The following ACO2 variants were observed in gnomAD, a reference collection of about 807,000 sequenced individuals.
The protein encoded by ACO2 is aconitate hydratase, mitochondrial.
Under a neutral mutation model 84.5 loss-of-function variants are expected in ACO2, and 31 were observed. The ratio of observed to expected loss-of-function variants is 0.37; its 90% CI spans 0.28 to 0.50. The LOEUF is 0.50. ACO2 is among the 20% of genes least tolerant of loss of function. ACO2 has a pLI of 0.97. For missense variants in ACO2, 685 were observed against 1,029.3 expected, an observed-to-expected ratio of 0.67 and a Z score of 4.58; for synonymous variants, 414 against 412.7, an observed-to-expected ratio of 1.00 and a Z score of -0.04.
intron 1 of ACO2, among the ~76,000 whole-genome samples, chr22:41,490,583 T>C (rs1428481231): frequency 2.0e-5 from 3 of 152,242 alleles, no homozygotes; most frequent in Non-Finnish European, 1.5e-5. Context: ...TGCTCTTTTA[T>C]ATATTTTAAT....
chr22:41,528,787 A>C lies in ACO2; in HGVS notation c.*174A>C. The C allele has an allele frequency of 1.1e-6, 1 of 904,394 alleles. No individual in the cohort carries two copies. Among genetic ancestry groups the C allele is most frequent in the South Asian group, 1.8e-5 (1 of 54,452 alleles). 56.0% of individuals were successfully genotyped at this position (904,394 alleles called of 1,614,324 possible). A position where few individuals can be genotyped will look rare whatever the true frequency, so the allele number is the denominator to read the frequency against. On this transcript the variant is annotated 3_prime_UTR_variant, in exon 18 of 18. Transcript: ENST00000216254. The stretch of plus-strand genomic sequence containing the variant: ...TGGTTGTGGTGGGGGGGTTCTTAAA[A>C]TAACTTTTTAGCCCCCGTCTTCCTA...
At chr22:41,499,924 G>C in intron 2 of ACO2, 62 bp downstream of exon 2, 1 of 1,591,266 alleles carries the variant, frequency 6.3e-7, no homozygotes, top group Non-Finnish European at 8.6e-7. Context: ...CTGCCCGTCA[G>C]GCAGAGAAGG....
chr22:41,476,926 A>T (rs925388070), intron 1 of ACO2, among the ~76,000 whole-genome samples: 9 of 151,376 alleles, frequency 5.9e-5, no homozygotes, highest in African/African-American at 2.2e-4. Flanking sequence ...AGGTGGGTGG[A>T]TCACTTGGGG....
At chr22:41,522,792 C>T (rs1413543943) in intron 9 of ACO2, 38 bp from the exon 10 acceptor site, 4 of 1,609,310 alleles carry the variant, frequency 2.5e-6, no homozygotes, top group Admixed American at 1.7e-5. Flanking sequence ...CTCACTGTCT[C>T]CTCCTGACCC....
At chr22:41,518,450 G>C in intron 7 of ACO2, 31 bp from the exon 8 acceptor site, 1 of 1,549,014 alleles carries the variant, frequency 6.5e-7, no homozygotes, top group Non-Finnish European at 8.9e-7. Context: ...TATGTTTCAC[G>C]TGCTCCATCC....
In ACO2 at chr22:41,477,128, TATTA is replaced by T. The variant is rs1421418853; in HGVS notation, c.36+7947_36+7950del. ...TTAAAGGTAGGGAGAATGGTTTCCA[TATTA>T]TTTATTTATTTATTTATTTATTTAT... is the stretch of plus-strand genomic sequence containing the variant. On this transcript the variant is annotated intron_variant, in intron 1 of 17. Transcript: ENST00000216254. 9.7e-5 allele frequency among the ~76,000 whole-genome samples: 14 copies of T among 144,370 alleles called. No individual in the cohort carries two copies. The East Asian group carries it at 2.8e-3, about 28-fold the overall frequency. 94.7% of individuals were successfully genotyped at this position (144,370 alleles called of 152,430 possible). A position where few individuals can be genotyped will look rare whatever the true frequency, so the allele number is the denominator to read the frequency against.
intron 3 of ACO2, among the ~76,000 whole-genome samples, chr22:41,510,374 G>A (rs1396369874): frequency 1.3e-5 from 2 of 152,174 alleles, no homozygotes; most frequent in Non-Finnish European, 2.9e-5. Flanking sequence ...ATAAGTGACC[G>A]ATTTGTAAAT....
chr22:41,521,897 G>A lies in ACO2; in HGVS notation c.1139-933G>A, dbSNP rs557723093. 1.3e-4 allele frequency among the ~76,000 whole-genome samples: 20 copies of A among 151,722 alleles called. 1 individual carries two copies. In the South Asian group the frequency reaches 3.3e-3, roughly 25 times the overall value. On this transcript the variant is annotated intron_variant, in intron 9 of 17. Coordinates refer to ENST00000216254, the MANE Select transcript of ACO2 (RefSeq NM_001098.3). ...TCAAGCAGTTCTGCCTCAGCCTCCCGAGTAGCTGGGACTACAGGCGCCCGC... is the reference window on the plus strand; with the variant it reads ...TCAAGCAGTTCTGCCTCAGCCTCCCAAGTAGCTGGGACTACAGGCGCCCGC...
chr22:41,509,451 G>A (rs1007727394), intron 3 of ACO2, among the ~76,000 whole-genome samples: 1 of 152,146 alleles, frequency 6.6e-6, no homozygotes, highest in African/African-American at 2.4e-5. Flanking sequence ...GCAGATCTGG[G>A]TATGTGTTAG....
chr22:41,469,200 C>G lies in ACO2; in HGVS notation c.36+18C>G. ...GGCTGCAGGTGAGCGAGCTCAGGGACCTCTGGGTTCACGGGGGCGGGGTGC... is the reference window on the plus strand; with the variant it reads ...GGCTGCAGGTGAGCGAGCTCAGGGAGCTCTGGGTTCACGGGGGCGGGGTGC... On this transcript the variant is annotated intron_variant, in intron 1 of 17. Coordinates refer to ENST00000216254, the MANE Select transcript of ACO2 (RefSeq NM_001098.3). The G allele has an allele frequency of 6.2e-7, 1 of 1,605,810 alleles. No homozygotes were observed. The highest frequency in any genetic ancestry group is 8.5e-7 in the Non-Finnish European group (1 of 1,176,144).
At chr22:41,476,343 G>A (rs1340788726) in intron 1 of ACO2, among the ~76,000 whole-genome samples, 1 of 149,508 alleles carries the variant, frequency 6.7e-6, no homozygotes, top group South Asian at 2.1e-4. Context: ...GGAGGCGGAG[G>A]TTGTACTGAG....
chr22:41,499,700 A>G (rs1404236184), intron 1 of ACO2, 26 bp from the exon 2 acceptor site: 2 of 1,607,898 alleles, frequency 1.2e-6, no homozygotes, highest in Admixed American at 3.3e-5. Flanking sequence ...CTCCATTGAC[A>G]GTGGCTGTCA....
chr22:41,470,548 T>C (rs1172204979), intron 1 of ACO2, among the ~76,000 whole-genome samples: 1 of 51,242 alleles, frequency 2.0e-5, no homozygotes, highest in Non-Finnish European at 4.4e-5. Context: ...TTTTTTTTTT[T>C]TTTTTTTTTT....
chr22:41,523,064 C>G (rs1226917972), intron 10 of ACO2, 77 bp downstream of exon 10: 4 of 1,583,878 alleles, frequency 2.5e-6, no homozygotes, highest in Non-Finnish European at 3.4e-6. Context: ...AGCCCAGAGG[C>G]CTGTTGGGCC....
chr22:41,513,960 T>C (rs556027061), intron 4 of ACO2, among the ~76,000 whole-genome samples: 1 of 152,080 alleles, frequency 6.6e-6, no homozygotes, highest in Non-Finnish European at 1.5e-5. Flanking sequence ...ACCACAAGTG[T>C]CTACACCGTG....
At chr22:41,508,166 G>T (rs1038425311) in intron 3 of ACO2, 117 bp downstream of exon 3, 2 of 1,337,024 alleles carry the variant, frequency 1.5e-6, no homozygotes, top group South Asian at 2.9e-5. Context: ...CTTTGGATTG[G>T]TCTGCTTTTA....
chr22:41,514,626 GGGTGTTGAGCCTATACAGCACCCAA>G (rs1476056718), intron 4 of ACO2, among the ~76,000 whole-genome samples: 2 of 152,140 alleles, frequency 1.3e-5, no homozygotes, highest in South Asian at 2.1e-4. Flanking sequence ...GGCCACACTT[GGGTGTTGAGCCTATACAGCACCCAA>G]GGTGTTGAGC....
At chr22:41,514,286 C>T (rs966561735) in intron 4 of ACO2, among the ~76,000 whole-genome samples, 1 of 152,194 alleles carries the variant, frequency 6.6e-6, no homozygotes, top group Non-Finnish European at 1.5e-5. Context: ...GGCACTAACT[C>T]CATCTGACTG....
rs1278522799 is a variant in ACO2, at chr22:41,527,893, C to T, written c.2087-8C>T. On this transcript the variant is annotated splice_region_variant and splice_polypyrimidine_tract_variant and intron_variant, in intron 16 of 17. Coordinates refer to ENST00000216254, the MANE Select transcript of ACO2 (RefSeq NM_001098.3). ...GCCCCCGATGACCGAATGCCGCCTGCTTTCCAGAGACCAACCTGAAGAAAC... is the reference window on the plus strand; with the variant it reads ...GCCCCCGATGACCGAATGCCGCCTGTTTTCCAGAGACCAACCTGAAGAAAC... 1.2e-6 allele frequency: 2 copies of T among 1,614,070 alleles called. No homozygotes were observed. Among genetic ancestry groups the T allele is most frequent in the African/African-American group, 2.7e-5 (2 of 74,924 alleles).
Sources: allele counts gnomAD v4.1 joint callset (sites outside exome capture counted in the v4.1 genomes callset), GRCh38; gene constraint gnomAD v4.1.1; transcripts MANE v1.5; gene names NCBI Gene and HGNC (gene_info 2026-07-23, HGNC 2026-07-21).